ABTB3: variants seen among roughly 807,000 people sequenced by gnomAD.
The protein encoded by ABTB3 is ankyrin repeat and BTB domain containing 3, also known as ankyrin repeat- and BTB/POZ domain-containing protein 3.
chr12:107,427,980 G>C, the ABTB3 span, among the ~76,000 whole-genome samples: 1 of 152,126 alleles, frequency 6.6e-6, no homozygotes, highest in African/African-American at 2.4e-5. Context: ...GAATCCCCCA[G>C]AACAGCCTTA....
At chr12:107,544,201 T>A in the ABTB3 span, 1 of 1,534,690 alleles carries the variant, frequency 6.5e-7, no homozygotes, top group Admixed American at 1.8e-5. Flanking sequence ...GGGGCAAGTG[T>A]CCAGGATGGG....
chr12:107,353,662 A>G, the ABTB3 span, among the ~76,000 whole-genome samples: 1 of 152,200 alleles, frequency 6.6e-6, no homozygotes, highest in Non-Finnish European at 1.5e-5. Flanking sequence ...GTAGGGGTCC[A>G]TGGCCTGTCC....
At chr12:107,451,283 G>A in the ABTB3 span, among the ~76,000 whole-genome samples, 1 of 152,120 alleles carries the variant, frequency 6.6e-6, no homozygotes, top group Non-Finnish European at 1.5e-5. Context: ...AAGGCGAGGT[G>A]GAAACCTCAT....
At chr12:107,526,050 A>G in the ABTB3 span, among the ~76,000 whole-genome samples, 1 of 152,140 alleles carries the variant, frequency 6.6e-6, no homozygotes, top group Non-Finnish European at 1.5e-5. Flanking sequence ...CATCACCCAC[A>G]ACTAAGGAAA....
chr12:107,573,726 T>C, the ABTB3 span, among the ~76,000 whole-genome samples: 2 of 152,272 alleles, frequency 1.3e-5, no homozygotes, highest in Non-Finnish European at 2.9e-5. Context: ...AGAGTTGAGG[T>C]TGCAGCTCAA....
the ABTB3 span, among the ~76,000 whole-genome samples, chr12:107,331,464 T>C: frequency 6.6e-6 from 1 of 152,074 alleles, no homozygotes; most frequent in Non-Finnish European, 1.5e-5. Context: ...CGGGGTGAGG[T>C]CCAGGGCGGT....
At chr12:107,369,408 T>G in the ABTB3 span, among the ~76,000 whole-genome samples, 1 of 136,704 alleles carries the variant, frequency 7.3e-6, no homozygotes, top group African/African-American at 2.5e-5. Context: ...TTTTTTTTTT[T>G]TCTTTTTGAG....
the ABTB3 span, among the ~76,000 whole-genome samples, chr12:107,443,089 G>A: frequency 6.6e-6 from 1 of 151,872 alleles, no homozygotes; most frequent in Non-Finnish European, 1.5e-5. Flanking sequence ...ACCTCCCAAA[G>A]GGCCCCATCT....
chr12:107,426,424 C>T, the ABTB3 span, among the ~76,000 whole-genome samples: 4 of 152,054 alleles, frequency 2.6e-5, no homozygotes, highest in Non-Finnish European at 5.9e-5. Context: ...GGTTCTAGCC[C>T]GAGGCCTGGA....
At chr12:107,467,919 C>T in the ABTB3 span, among the ~76,000 whole-genome samples, 2 of 152,130 alleles carry the variant, frequency 1.3e-5, no homozygotes, top group Non-Finnish European at 2.9e-5. Context: ...ACCAACTGAT[C>T]CCTCCAGATG....
chr12:107,593,175 C>G, the ABTB3 span, among the ~76,000 whole-genome samples: 1 of 152,200 alleles, frequency 6.6e-6, no homozygotes, highest in Non-Finnish European at 1.5e-5. Flanking sequence ...CTGCTTGCTA[C>G]CTATTTTTAT....
chr12:107,376,780 T>C, the ABTB3 span, among the ~76,000 whole-genome samples: 1 of 152,140 alleles, frequency 6.6e-6, no homozygotes, highest in Non-Finnish European at 1.5e-5. Flanking sequence ...GAGTGATTAC[T>C]ATATGCCAGG....
the ABTB3 span, chr12:107,618,309 C>T: frequency 6.2e-7 from 1 of 1,613,910 alleles, no homozygotes; most frequent in South Asian, 1.1e-5. Context: ...ACTGAGGGCC[C>T]TGAGGGAGGC....
the ABTB3 span, among the ~76,000 whole-genome samples, chr12:107,589,625 C>T: frequency 2.0e-5 from 3 of 152,234 alleles, no homozygotes; most frequent in African/African-American, 4.8e-5. Context: ...AGATGGGAAA[C>T]GTGGTCCCTG....
At chr12:107,588,892 A>G in the ABTB3 span, among the ~76,000 whole-genome samples, 1 of 152,132 alleles carries the variant, frequency 6.6e-6, no homozygotes, top group Non-Finnish European at 1.5e-5. Context: ...TATTGGAGCA[A>G]GGTTACCAGA....
the ABTB3 span, chr12:107,615,207 T>A: frequency 6.7e-7 from 1 of 1,496,686 alleles, no homozygotes; most frequent in South Asian, 1.1e-5. Flanking sequence ...TGATTTTACC[T>A]CTTCCATAAC....
chr12:107,511,946 C>T, the ABTB3 span, among the ~76,000 whole-genome samples: 1 of 152,134 alleles, frequency 6.6e-6, no homozygotes, highest in Non-Finnish European at 1.5e-5. Flanking sequence ...CTTTTTTAAA[C>T]TCTGGTCAGC....
chr12:107,522,594 A>G, the ABTB3 span, among the ~76,000 whole-genome samples: 1 of 151,230 alleles, frequency 6.6e-6, no homozygotes, highest in Non-Finnish European at 1.5e-5. Context: ...TCTCCCTACT[A>G]TATAGAATAT....
At chr12:107,439,125 A>C in the ABTB3 span, among the ~76,000 whole-genome samples, 1 of 150,788 alleles carries the variant, frequency 6.6e-6, no homozygotes, top group African/African-American at 2.5e-5. Context: ...ACCCACACAC[A>C]TGAAGTGCTA....
Sources: allele counts gnomAD v4.1 joint callset (sites outside exome capture counted in the v4.1 genomes callset), GRCh38; gene constraint gnomAD v4.1.1; transcripts MANE v1.5; gene names NCBI Gene and HGNC (gene_info 2026-07-23, HGNC 2026-07-21).